CNTN4: variants seen among roughly 807,000 people sequenced by gnomAD.
The protein encoded by CNTN4 is contactin 4, also known as contactin-4.
In CNTN4, 77 loss-of-function variants were observed where a neutral mutation model predicts 122.5. The observed-to-expected ratio is 0.63, with a 90% confidence interval of 0.52 to 0.76. CNTN4 has a LOEUF of 0.76. CNTN4 is among the 30% of genes least tolerant of loss of function. The pLI is 0.00. For synonymous variants in CNTN4, 512 were observed against 447.0 expected, an observed-to-expected ratio of 1.15 and a Z score of -1.83; for missense variants, 1,256 against 1,259.1, an observed-to-expected ratio of 1.00 and a Z score of 0.04.
intron 6 of CNTN4, among the ~76,000 whole-genome samples, chr3:2,770,433 G>T (rs757014174): frequency 1.3e-5 from 2 of 152,186 alleles, no homozygotes; most frequent in South Asian, 4.1e-4. Context: ...TCCCTGGTGG[G>T]GGAGGGCCAA....
chr3:2,993,140 CAAT>C (rs1261064503), intron 14 of CNTN4, among the ~76,000 whole-genome samples: 1 of 151,968 alleles, frequency 6.6e-6, no homozygotes, highest in African/African-American at 2.4e-5. Context: ...ACCAAAAGAA[CAAT>C]AATATTTTTG....
intron 6 of CNTN4, among the ~76,000 whole-genome samples, chr3:2,813,778 C>T (rs923381765): frequency 2.6e-5 from 4 of 152,076 alleles, no homozygotes; most frequent in African/African-American, 9.7e-5. Flanking sequence ...ATACTTCTTC[C>T]CCAGCTCTAA....
chr3:2,621,703 C>T (rs999763320), intron 4 of CNTN4, among the ~76,000 whole-genome samples: 1 of 151,962 alleles, frequency 6.6e-6, no homozygotes, highest in Non-Finnish European at 1.5e-5. Flanking sequence ...TAATGAACCC[C>T]ATGGAATGAG....
intron 13 of CNTN4, among the ~76,000 whole-genome samples, chr3:2,964,330 G>A (rs1235990251): frequency 6.6e-6 from 1 of 151,960 alleles, no homozygotes; most frequent in African/African-American, 2.4e-5. Context: ...ATTTACTAGG[G>A]CCATCAGTTT....
rs111343883 is a variant in CNTN4, at chr3:2,209,686, G to C, written c.-145+109047G>C. Among the ~76,000 whole-genome samples the C allele has an allele frequency of 4.6e-3, 697 of 152,012 alleles. 3 individuals are homozygous for C. Among genetic ancestry groups the C allele is most frequent in the African/African-American group, 0.015 (635 of 41,474 alleles). On this transcript the variant is annotated intron_variant, in intron 2 of 24. Transcript: ENST00000418658. ...GATTTTGACTTTATGTTTTATTCAG[G>C]GTCCAACGCTTGATTTTGTAGTAGC...
At chr3:2,547,980 C>T (rs1332783311) in intron 3 of CNTN4, among the ~76,000 whole-genome samples, 2 of 151,996 alleles carry the variant, frequency 1.3e-5, no homozygotes, top group Admixed American at 6.6e-5. Flanking sequence ...TATCCTTTGC[C>T]CACTTTTTGA....
intron 13 of CNTN4, among the ~76,000 whole-genome samples, chr3:2,967,232 G>C (rs1692412230): frequency 6.6e-6 from 1 of 152,116 alleles, no homozygotes; most frequent in Admixed American, 6.6e-5. Context: ...GTCAGTTCCT[G>C]GGTGGGGGCT....
intron 7 of CNTN4, chr3:2,866,447 T>C: frequency 4.9e-6 from 6 of 1,225,064 alleles, no homozygotes; most frequent in Non-Finnish European, 5.2e-6. Context: ...ACATGTTACA[T>C]AGTGCCTGAC....
intron 3 of CNTN4, among the ~76,000 whole-genome samples, chr3:2,560,834 A>G (rs1002872726): frequency 3.3e-5 from 5 of 152,130 alleles, no homozygotes; most frequent in African/African-American, 1.2e-4. Flanking sequence ...CAGTTACTAG[A>G]TGTTCAGTCA....
At chr3:2,687,394 C>A (rs1361184793) in intron 4 of CNTN4, among the ~76,000 whole-genome samples, 1 of 77,458 alleles carries the variant, frequency 1.3e-5, no homozygotes, top group African/African-American at 4.8e-5. Flanking sequence ...AGCACTGTGG[C>A]TCGTGCCTGC....
At chr3:3,045,035 G>A (rs111751547) in intron 23 of CNTN4, among the ~76,000 whole-genome samples, 6 of 152,336 alleles carry the variant, frequency 3.9e-5, no homozygotes, top group African/African-American at 7.2e-5. Flanking sequence ...AGCCTTGCTC[G>A]TTGCTAGCAC....
At chr3:2,911,013 A>G (rs2094293702) in intron 12 of CNTN4, among the ~76,000 whole-genome samples, 1 of 152,240 alleles carries the variant, frequency 6.6e-6, no homozygotes, top group Non-Finnish European at 1.5e-5. Context: ...ACAGCGTAGC[A>G]CAGAGCTATC....
intron 14 of CNTN4, among the ~76,000 whole-genome samples, chr3:3,016,566 GA>G (rs544912404): frequency 6.6e-5 from 10 of 152,102 alleles, no homozygotes; most frequent in Non-Finnish European, 1.5e-4. Context: ...TAAAAACAAA[GA>G]AACAAAAACC....
At chr3:2,243,438 C>G (rs1348801075) in intron 2 of CNTN4, among the ~76,000 whole-genome samples, 1 of 152,088 alleles carries the variant, frequency 6.6e-6, no homozygotes, top group African/African-American at 2.4e-5. Context: ...GCTTGTTCAA[C>G]CTGTGGCCCA....
intron 7 of CNTN4, among the ~76,000 whole-genome samples, chr3:2,831,604 C>G (rs929768299): frequency 6.6e-6 from 1 of 152,220 alleles, no homozygotes. Context: ...CTCCCATCAT[C>G]TGGTGCAGGT....
At chr3:2,367,131 A>T (rs1329521564) in intron 3 of CNTN4, among the ~76,000 whole-genome samples, 1 of 152,112 alleles carries the variant, frequency 6.6e-6, no homozygotes, top group Non-Finnish European at 1.5e-5. Context: ...GTATATAATA[A>T]AAAGCAGTTT....
chr3:2,607,311 G>T (rs897477161), intron 4 of CNTN4, among the ~76,000 whole-genome samples: 2 of 152,056 alleles, frequency 1.3e-5, no homozygotes, highest in African/African-American at 4.8e-5. Flanking sequence ...AAAAGCAGGT[G>T]CATATACACA....
chr3:2,481,063 C>CTTTCTTTCTTTCTTTCTTTCTTTCTT (rs1575730827), intron 3 of CNTN4, among the ~76,000 whole-genome samples: 126 of 38,906 alleles, frequency 3.2e-3, no homozygotes, highest in African/African-American at 6.9e-3. Flanking sequence ...CTTTCTTTCT[C>CTTTCTTTCTTTCTTTCTTTCTTTCTT]TCTTTCTCTC....
chr3:2,121,575 A>G (rs1043578084), intron 2 of CNTN4, among the ~76,000 whole-genome samples: 4 of 152,080 alleles, frequency 2.6e-5, no homozygotes, highest in South Asian at 4.1e-4. Context: ...GTTGGTTACT[A>G]TAGAACTTGT....
Sources: gnomAD v4.1 joint callset for allele counts (sites outside exome capture counted in the v4.1 genomes callset) on GRCh38, gnomAD v4.1.1 for gene constraint, MANE v1.5 for transcripts, NCBI Gene and HGNC (gene_info 2026-07-23, HGNC 2026-07-21) for gene names.